The following CTSC variants were observed in gnomAD, a reference collection of about 807,000 sequenced individuals.
The protein encoded by CTSC is dipeptidyl peptidase 1.
CTSC carries 37 observed loss-of-function variants against 40.9 expected under a neutral mutation model. That is an observed-to-expected ratio of 0.91 (90% CI 0.70 to 1.19). The LOEUF is 1.19. CTSC is among the 50% of genes most tolerant of loss of function. CTSC has a pLI of 0.00. For missense variants in CTSC, 594 were observed against 567.3 expected (o/e 1.05, Z -0.48); for synonymous variants, 232 against 207.4 (o/e 1.12, Z -1.02).
chr11:88,294,569 T>A, intron 6 of CTSC, 61 bp from the exon 7 acceptor site: 1 of 1,578,062 alleles, frequency 6.3e-7, no homozygotes, highest in South Asian at 1.1e-5. Context: ...CCATTTTCTA[T>A]TTTTTCTTCT....
intron 4 of CTSC, among the ~76,000 whole-genome samples, chr11:88,303,872 A>C (rs1041745000): frequency 6.6e-6 from 1 of 152,138 alleles, no homozygotes; most frequent in Non-Finnish European, 1.5e-5. Context: ...GGAGAAGATT[A>C]GAGTGCTGCC....
chr11:88,336,496 G>A (rs1297725858), intron 1 of CTSC, among the ~76,000 whole-genome samples: 2 of 146,106 alleles, frequency 1.4e-5, no homozygotes, highest in Admixed American at 7.0e-5. Flanking sequence ...CCGAGATCCC[G>A]CCACTGAACT....
At chr11:88,318,801 G>A (rs1437269781) in intron 2 of CTSC, among the ~76,000 whole-genome samples, 1 of 152,158 alleles carries the variant, frequency 6.6e-6, no homozygotes, top group Non-Finnish European at 1.5e-5. Context: ...AGCTACTTGG[G>A]AGGATGAGGC....
intron 3 of CTSC, among the ~76,000 whole-genome samples, chr11:88,310,698 G>C (rs1051753671): frequency 6.6e-6 from 1 of 152,116 alleles, no homozygotes; most frequent in East Asian, 1.9e-4. Flanking sequence ...ACCCAGAGAC[G>C]TACCCTTATC....
At chr11:88,301,804 A>G (rs12278471) in intron 4 of CTSC, among the ~76,000 whole-genome samples, 2 of 91,124 alleles carry the variant, frequency 2.2e-5, no homozygotes, top group Non-Finnish European at 3.2e-5. Context: ...ACACAAACAC[A>G]CGCGCGCACA....
At chr11:88,319,757 T>C (rs184837980) in intron 2 of CTSC, among the ~76,000 whole-genome samples, 4 of 152,276 alleles carry the variant, frequency 2.6e-5, no homozygotes, top group Admixed American at 2.0e-4. Context: ...AATGTACCTA[T>C]AGATAATTTA....
rs1555031907 is a variant in CTSC, at chr11:88,328,289, T to C, written c.318+6648A>G. 32 of 873,098 alleles carry C rather than the reference T, an allele frequency of 3.7e-5. 1 individual carries two copies. In the South Asian group the frequency reaches 4.1e-4, roughly 11 times the overall value. 54.1% of individuals were successfully genotyped at this position (873,098 alleles called of 1,614,324 possible). A position where few individuals can be genotyped will look rare whatever the true frequency, so the allele number is the denominator to read the frequency against. ...ATAAAATAGTTAGGCAGGCACTCAG[T>C]GCTAAACTTCTGATACTTTTCCTCC... On this transcript the variant is annotated intron_variant, in intron 2 of 6. Coordinates refer to ENST00000227266, the MANE Select transcript of CTSC (RefSeq NM_001814.6).
chr11:88,334,457 G>GA (rs948388864), intron 2 of CTSC, among the ~76,000 whole-genome samples: 8 of 152,054 alleles, frequency 5.3e-5, no homozygotes, highest in Non-Finnish European at 8.8e-5. Flanking sequence ...TAGTTTAGAA[G>GA]AAAAAATTAC....
intron 2 of CTSC, among the ~76,000 whole-genome samples, chr11:88,334,425 C>T (rs1341200852): frequency 6.6e-6 from 1 of 152,190 alleles, no homozygotes. Context: ...AAGGGAGTAA[C>T]TCCTAGGTTC....
chr11:88,298,635 A>C (rs975130419), intron 5 of CTSC: 2 of 152,216 alleles, frequency 1.3e-5, no homozygotes, highest in Non-Finnish European at 2.9e-5. Flanking sequence ...AGAAAGTCAA[A>C]AGAGGAAACT....
In CTSC at chr11:88,335,090, A is replaced by AG; in HGVS notation, c.173-9_173-8insC. ...CTTTTTTTTCTTGTGGTCCTAAAGA[A>AG]AAAAAAAAAAAGCACAATAAAGGAA... On this transcript the variant is annotated splice_polypyrimidine_tract_variant and intron_variant, in intron 1 of 6. Coordinates refer to ENST00000227266, the MANE Select transcript of CTSC (RefSeq NM_001814.6). 1.4e-6 allele frequency: 2 copies of AG among 1,388,758 alleles called. No individual in the cohort carries two copies. The highest frequency in any genetic ancestry group is 1.6e-5 in the African/African-American group (1 of 60,900). The allele number at this position is 1,388,758 out of a possible 1,614,324, so 86.0% of individuals were successfully genotyped here. A position where few individuals can be genotyped will look rare whatever the true frequency, so the allele number is the denominator to read the frequency against.
chr11:88,300,619 T>C lies in CTSC; in HGVS notation c.668A>G (p.Glu223Gly). ...CAAATGCAAAATCTTTTGCTGTATTTCAGCAGTCAGTGGTGCAGGTTTGGG... is the reference window on the plus strand; with the variant it reads ...CAAATGCAAAATCTTTTGCTGTATTCCAGCAGTCAGTGGTGCAGGTTTGGG... ...PRPKPAPLTA[E>G]IQQKILHLPT... Residue 223 changes from glutamate to glycine, a missense_variant, in exon 5 of 7, where the codon GAA becomes GGA. Coordinates refer to ENST00000227266, the MANE Select transcript of CTSC (RefSeq NM_001814.6). The C allele has an allele frequency of 6.2e-7, 1 of 1,613,084 alleles. No homozygotes were observed. Among genetic ancestry groups the C allele is most frequent in the Non-Finnish European group, 8.5e-7 (1 of 1,178,986 alleles).
At chr11:88,333,650 A>G (rs1377349178) in intron 2 of CTSC, among the ~76,000 whole-genome samples, 3 of 152,242 alleles carry the variant, frequency 2.0e-5, no homozygotes, top group African/African-American at 7.2e-5. Context: ...TACCACATAT[A>G]CATTACAATT....
intron 2 of CTSC, chr11:88,322,830 T>C (rs1169709058): frequency 1.3e-5 from 2 of 152,344 alleles, no homozygotes; most frequent in East Asian, 1.9e-4. Context: ...AGTTGAATTC[T>C]ACCAGAGGTA....
rs566298227 is a variant in CTSC at position 88,308,507 on chromosome 11, CTTATT to C, written c.641+651_641+655del. 2.3e-3 allele frequency among the ~76,000 whole-genome samples: 349 copies of C among 150,752 alleles called. 3 individuals are homozygous for C. The highest frequency in any genetic ancestry group is 5.6e-3 in the African/African-American group (231 of 40,958). ...TTTATTTTATTTTATCTTACCTTAT[CTTATT>C]TTATTTTATTTTATTTTTGCATGTC... On this transcript the variant is annotated intron_variant, in intron 4 of 6. Coordinates refer to ENST00000227266, the MANE Select transcript of CTSC (RefSeq NM_001814.6).
rs1041221526 is a variant in CTSC, at chr11:88,304,868, T to C, written c.642-4223A>G. On this transcript the variant is annotated intron_variant, in intron 4 of 6. Coordinates refer to ENST00000227266, the MANE Select transcript of CTSC (RefSeq NM_001814.6). ...ATTGCAGCACTTTGGGAGGCCAAGG[T>C]AGGCAGATCACCTGAAGTCAGGAGT... is the stretch of plus-strand genomic sequence containing the variant. 7.2e-5 allele frequency among the ~76,000 whole-genome samples: 11 copies of C among 152,230 alleles called. 1 individual carries two copies. The highest frequency in any genetic ancestry group is 6.5e-4 in the Admixed American group (10 of 15,296).
At chr11:88,331,704 G>A (rs991851431) in intron 2 of CTSC, among the ~76,000 whole-genome samples, 3 of 152,162 alleles carry the variant, frequency 2.0e-5, no homozygotes, top group African/African-American at 7.2e-5. Context: ...ATAAGGACAT[G>A]ATCTAAACCT....
rs188122214 is a variant in CTSC, at chr11:88,330,463, C to T, written c.318+4474G>A. 1.3e-3 allele frequency among the ~76,000 whole-genome samples: 203 copies of T among 152,064 alleles called. 1 individual carries two copies. The highest frequency in any genetic ancestry group is 4.5e-3 in the African/African-American group (187 of 41,416). The stretch of plus-strand genomic sequence containing the variant: ...TCCTGGGTTCAAGCAATTCTCCTGC[C>T]TCAGCCTCCTGAATAGCTGGGATTA... On this transcript the variant is annotated intron_variant, in intron 2 of 6. Transcript: ENST00000227266.
At chr11:88,326,396 A>G (rs746463301) in intron 2 of CTSC, 8 of 1,614,078 alleles carry the variant, frequency 5.0e-6, no homozygotes, top group South Asian at 1.1e-5. Flanking sequence ...ACGTCTGTTC[A>G]TGGCTGTGGT....
Sources: gnomAD v4.1 joint callset for allele counts (sites outside exome capture counted in the v4.1 genomes callset) on GRCh38, gnomAD v4.1.1 for gene constraint, MANE v1.5 for transcripts, NCBI Gene and HGNC (gene_info 2026-07-23, HGNC 2026-07-21) for gene names.